CDH18: variants seen among roughly 807,000 people sequenced by gnomAD.
CDH18 encodes cadherin 18, also known as cadherin-18.
CDH18 carries 31 observed loss-of-function variants against 67.9 expected under a neutral mutation model. The observed-to-expected ratio is 0.46, with a 90% CI of 0.34 to 0.62. CDH18 has a LOEUF of 0.62. Ranked by LOEUF, CDH18 falls within the 20% of genes least tolerant of loss-of-function variation. The pLI is 0.01. For missense variants in CDH18, 890 were observed against 975.5 expected (o/e 0.91, Z 1.17); for synonymous variants, 362 against 347.2 (o/e 1.04, Z -0.48).
intron 2 of CDH18, among the ~76,000 whole-genome samples, chr5:20,136,608 T>C (rs1749743824): frequency 6.6e-6 from 1 of 152,154 alleles, no homozygotes; most frequent in South Asian, 2.1e-4. Flanking sequence ...AATACTGTTA[T>C]GTGTGAATTT....
At chr5:19,808,540 C>T (rs1778280264) in intron 3 of CDH18, among the ~76,000 whole-genome samples, 1 of 151,954 alleles carries the variant, frequency 6.6e-6, no homozygotes, top group African/African-American at 2.4e-5. Context: ...ATACATCAGT[C>T]TAAGCCTGGA....
intron 9 of CDH18, among the ~76,000 whole-genome samples, chr5:19,535,001 G>A (rs1749190239): frequency 6.6e-6 from 1 of 152,058 alleles, no homozygotes; most frequent in Admixed American, 6.6e-5. Context: ...GAGACATGTT[G>A]GAAGCATCTC....
chr5:20,325,548 C>A (rs960831839), intron 1 of CDH18, among the ~76,000 whole-genome samples: 24 of 152,136 alleles, frequency 1.6e-4, no homozygotes, highest in African/African-American at 5.6e-4. Flanking sequence ...TTCCGCCACC[C>A]ATCCCTCATT....
At chr5:20,282,287 G>A (rs1301300783) in intron 1 of CDH18, among the ~76,000 whole-genome samples, 3 of 152,104 alleles carry the variant, frequency 2.0e-5, no homozygotes, top group South Asian at 2.1e-4. Flanking sequence ...TCCCTGTCTC[G>A]TGCCAGTTTT....
chr5:20,471,983 T>TTA (rs1561038294), intron 1 of CDH18, among the ~76,000 whole-genome samples: 3 of 124 alleles, frequency 0.024, no homozygotes, highest in Admixed American at 0.062. Context: ...CCAAAATAAA[T>TTA]TCACTGAACT....
chr5:19,808,182 A>G (rs1778225926), intron 3 of CDH18, among the ~76,000 whole-genome samples: 1 of 152,102 alleles, frequency 6.6e-6, no homozygotes, highest in Admixed American at 6.6e-5. Context: ...ATCTCTATGA[A>G]TATAATGACA....
chr5:19,636,267 G>C (rs189088561), intron 5 of CDH18, among the ~76,000 whole-genome samples: 15 of 151,782 alleles, frequency 9.9e-5, no homozygotes, highest in African/African-American at 3.6e-4. Flanking sequence ...ATCATGTACA[G>C]TATGATGTTT....
chr5:20,175,599 G>A (rs957891739), intron 2 of CDH18, among the ~76,000 whole-genome samples: 13 of 152,068 alleles, frequency 8.5e-5, no homozygotes, highest in Admixed American at 1.3e-4. Flanking sequence ...TGGCATCCCT[G>A]TAGAGCTTTG....
chr5:19,774,064 G>C (rs1327942509), intron 3 of CDH18, among the ~76,000 whole-genome samples: 1 of 152,084 alleles, frequency 6.6e-6, no homozygotes, highest in Non-Finnish European at 1.5e-5. Context: ...ACATATTACT[G>C]GTCTTTGAGA....
At chr5:20,535,666 G>A (rs111529635) in intron 1 of CDH18, among the ~76,000 whole-genome samples, 1,730 of 152,080 alleles carry the variant, frequency 0.011, 34 homozygotes, top group African/African-American at 0.04. Context: ...TCTCCCTCCC[G>A]GCTGCTGGGA....
chr5:19,684,439 A>G (rs1323688363), intron 5 of CDH18, among the ~76,000 whole-genome samples: 3 of 151,180 alleles, frequency 2.0e-5, no homozygotes, highest in Non-Finnish European at 1.5e-5. Flanking sequence ...CACTAATAAA[A>G]TATCATTTTT....
chr5:20,152,488 T>A (rs181794013), intron 2 of CDH18, among the ~76,000 whole-genome samples: 1 of 151,936 alleles, frequency 6.6e-6, no homozygotes, highest in East Asian at 1.9e-4. Context: ...ATCTCTCTTA[T>A]GCTTGCAGAG....
chr5:19,615,716 G>A (rs971167940), intron 5 of CDH18, among the ~76,000 whole-genome samples: 2 of 151,952 alleles, frequency 1.3e-5, no homozygotes, highest in African/African-American at 4.8e-5. Flanking sequence ...CTCAACCCCT[G>A]GCAACCACGA....
chr5:19,525,498 C>T (rs1747622513), intron 9 of CDH18, among the ~76,000 whole-genome samples: 1 of 152,196 alleles, frequency 6.6e-6, no homozygotes, highest in African/African-American at 2.4e-5. Context: ...CATGATACTG[C>T]CTGCCCTGTC....
intron 1 of CDH18, among the ~76,000 whole-genome samples, chr5:20,370,782 T>A (rs981015458): frequency 9.9e-5 from 15 of 152,132 alleles, no homozygotes; most frequent in African/African-American, 3.6e-4. Context: ...CTCGCGCCTG[T>A]AATCCCAGCA....
chr5:20,342,309 C>T (rs1382335462), intron 1 of CDH18, among the ~76,000 whole-genome samples: 1 of 152,080 alleles, frequency 6.6e-6, no homozygotes, highest in Non-Finnish European at 1.5e-5. Context: ...GAAGGAACAG[C>T]TTCCCCATCC....
chr5:20,498,372 A>C (rs1754037738), intron 1 of CDH18, among the ~76,000 whole-genome samples: 1 of 151,668 alleles, frequency 6.6e-6, no homozygotes, highest in Admixed American at 6.6e-5. Context: ...TCCAAAGACT[A>C]CTCCCTCTCA....
intron 2 of CDH18, among the ~76,000 whole-genome samples, chr5:20,037,141 A>G (rs1466096550): frequency 6.6e-6 from 1 of 152,002 alleles, no homozygotes; most frequent in Non-Finnish European, 1.5e-5. Context: ...TTATGTGTGA[A>G]TTTGATCCTG....
intron 9 of CDH18, among the ~76,000 whole-genome samples, chr5:19,543,594 A>G (rs1735784511): frequency 6.6e-6 from 1 of 152,112 alleles, no homozygotes; most frequent in Non-Finnish European, 1.5e-5. Context: ...AAGTCTCCCA[A>G]TTAGAAGGAG....
Sources: gnomAD v4.1 joint callset for allele counts (sites outside exome capture counted in the v4.1 genomes callset) on GRCh38, gnomAD v4.1.1 for gene constraint, MANE v1.5 for transcripts, NCBI Gene and HGNC (gene_info 2026-07-23, HGNC 2026-07-21) for gene names.